Variants in GRM5 observed in about 807,000 individuals in gnomAD.
The protein encoded by GRM5 is metabotropic glutamate receptor 5.
Under a neutral mutation model 83.1 loss-of-function variants are expected in GRM5, and 19 were observed. The ratio of observed to expected loss-of-function variants is 0.23; its 90% CI spans 0.16 to 0.34. The LOEUF (loss-of-function observed/expected upper bound fraction) is 0.34. GRM5 is among the 10% of genes least tolerant of loss of function. The pLI, the probability that GRM5 is intolerant of heterozygous loss-of-function variation, is 1.00. For synonymous variants in GRM5, 675 were observed against 633.6 expected, an observed-to-expected ratio of 1.07 and a Z score of -0.98; for missense variants, 1,160 against 1,588.3, an observed-to-expected ratio of 0.73 and a Z score of 4.58.
intron 3 of GRM5, among the ~76,000 whole-genome samples, chr11:88,781,143 A>C (rs12808065): frequency 1.9e-5 from 2 of 105,822 alleles, no homozygotes; most frequent in South Asian, 5.4e-4. Flanking sequence ...ATATATATAT[A>C]TATATGTATA....
chr11:88,875,392 C>T (rs1029368266), intron 2 of GRM5, among the ~76,000 whole-genome samples: 2 of 151,944 alleles, frequency 1.3e-5, no homozygotes, highest in African/African-American at 4.8e-5. Context: ...AACTCTGGTT[C>T]TCTTACTCTT....
chr11:88,871,893 T>C (rs1158689826), intron 2 of GRM5, among the ~76,000 whole-genome samples: 3 of 151,320 alleles, frequency 2.0e-5, no homozygotes, highest in African/African-American at 7.3e-5. Context: ...GAAATAATTA[T>C]ACCCTATAAA....
At chr11:88,824,039 G>C (rs1409754907) in intron 3 of GRM5, among the ~76,000 whole-genome samples, 1 of 152,162 alleles carries the variant, frequency 6.6e-6, no homozygotes, top group African/African-American at 2.4e-5. Flanking sequence ...TTACTCCTTG[G>C]CTGAGAATTT....
At chr11:89,044,725 G>A (rs1271109319) in intron 2 of GRM5, among the ~76,000 whole-genome samples, 1 of 151,732 alleles carries the variant, frequency 6.6e-6, no homozygotes, top group Non-Finnish European at 1.5e-5. Context: ...TCAAGTACTG[G>A]GATTAATTCT....
At chr11:88,727,485 G>A (rs866875553) in intron 3 of GRM5, among the ~76,000 whole-genome samples, 16 of 152,182 alleles carry the variant, frequency 1.1e-4, no homozygotes, top group African/African-American at 3.6e-4. Context: ...CGATGAGACA[G>A]AAAATTATCA....
At chr11:88,891,905 T>C (rs907395011) in intron 2 of GRM5, among the ~76,000 whole-genome samples, 1 of 152,038 alleles carries the variant, frequency 6.6e-6, no homozygotes, top group African/African-American at 2.4e-5. Context: ...AAATGGATTG[T>C]GCTCAGAAAG....
chr11:88,849,818 G>T lies in GRM5; in HGVS notation c.911+88C>A, dbSNP rs1057318453. 9.4e-6 allele frequency: 12 copies of T among 1,273,202 alleles called. No individual in the cohort carries two copies. In the South Asian group the frequency reaches 1.2e-4, roughly 13 times the overall value. The allele number at this position is 1,273,202 out of a possible 1,614,324, so 78.9% of individuals were successfully genotyped here. On this transcript the variant is annotated intron_variant, in intron 3 of 9. Coordinates refer to ENST00000305447, the MANE Select transcript of GRM5 (RefSeq NM_001143831.3). Reference sequence around the variant, plus strand: ...CCACTGCACAGATTAAGCTTTGAAAGAATTTTTTATCATACACTAAAAGCT... The same window carrying T: ...CCACTGCACAGATTAAGCTTTGAAATAATTTTTTATCATACACTAAAAGCT...
intron 7 of GRM5, among the ~76,000 whole-genome samples, chr11:88,585,752 C>T (rs1220253706): frequency 6.6e-6 from 1 of 152,014 alleles, no homozygotes; most frequent in Non-Finnish European, 1.5e-5. Flanking sequence ...CTTATTATTA[C>T]TTTCAATATT....
chr11:88,972,977 T>C (rs11021688), intron 2 of GRM5, among the ~76,000 whole-genome samples: 6,403 of 152,078 alleles, frequency 0.042, 452 homozygotes, highest in African/African-American at 0.15. Context: ...TTCTACACAG[T>C]AACTAGGCTA....
At chr11:88,565,553 G>C (rs1942858602) in intron 8 of GRM5, among the ~76,000 whole-genome samples, 1 of 152,120 alleles carries the variant, frequency 6.6e-6, no homozygotes, top group Non-Finnish European at 1.5e-5. Flanking sequence ...AGGACTTGAA[G>C]AAAAGCTGAT....
chr11:88,570,571 A>ATATATTTTTTTTT (rs1405339448), intron 7 of GRM5, among the ~76,000 whole-genome samples: 1 of 46,376 alleles, frequency 2.2e-5, no homozygotes, highest in African/African-American at 1.3e-4. Context: ...ATATATATAT[A>ATATATTTTTTTTT]TTTTTTTTTT....
At chr11:88,790,746 G>A (rs969207588) in intron 3 of GRM5, among the ~76,000 whole-genome samples, 6 of 152,076 alleles carry the variant, frequency 3.9e-5, no homozygotes, top group Non-Finnish European at 8.8e-5. Flanking sequence ...TTGAAAGTAG[G>A]AAATATCACG....
At chr11:88,808,188 CTT>C (rs1208750174) in intron 3 of GRM5, among the ~76,000 whole-genome samples, 6 of 151,850 alleles carry the variant, frequency 4.0e-5, no homozygotes, top group African/African-American at 1.4e-4. Flanking sequence ...GTATTTAAGC[CTT>C]GTTACTTGCT....
chr11:88,777,340 A>C (rs1005864972), intron 3 of GRM5, among the ~76,000 whole-genome samples: 2 of 152,114 alleles, frequency 1.3e-5, no homozygotes. Context: ...CATTCATCTT[A>C]TCTTTTTTCA....
At chr11:88,996,183 A>C (rs1940180214) in intron 2 of GRM5, among the ~76,000 whole-genome samples, 1 of 152,178 alleles carries the variant, frequency 6.6e-6, no homozygotes, top group Admixed American at 6.5e-5. Context: ...TTTACTACAA[A>C]ATGGCCTATT....
intron 5 of GRM5, among the ~76,000 whole-genome samples, chr11:88,599,416 ATCAC>A (rs1240178695): frequency 1.3e-5 from 2 of 152,232 alleles, no homozygotes; most frequent in Admixed American, 6.5e-5. Context: ...CAAAGATATT[ATCAC>A]TCACAGCTTA....
intron 4 of GRM5, among the ~76,000 whole-genome samples, chr11:88,611,837 CA>C (rs1197385381): frequency 6.6e-6 from 1 of 151,904 alleles, no homozygotes; most frequent in Non-Finnish European, 1.5e-5. Context: ...GAGATGATTC[CA>C]ACTTTTTGAT....
At chr11:88,880,217 A>G (rs1310795605) in intron 2 of GRM5, among the ~76,000 whole-genome samples, 1 of 152,166 alleles carries the variant, frequency 6.6e-6, no homozygotes, top group Non-Finnish European at 1.5e-5. Flanking sequence ...AAGGAGCATG[A>G]AATAAAGGAA....
At chr11:88,661,950 C>A (rs568523204) in intron 3 of GRM5, among the ~76,000 whole-genome samples, 2 of 152,174 alleles carry the variant, frequency 1.3e-5, no homozygotes, top group East Asian at 3.9e-4. Context: ...ATGTTATCAA[C>A]TGAAAATCAA....
Sources: allele counts gnomAD v4.1 joint callset (sites outside exome capture counted in the v4.1 genomes callset), GRCh38; gene constraint gnomAD v4.1.1; transcripts MANE v1.5; gene names NCBI Gene and HGNC (gene_info 2026-07-23, HGNC 2026-07-21).